The following RBM20 variants were observed in gnomAD, a reference collection of about 807,000 sequenced individuals.
RBM20 encodes the protein RNA-binding protein 20.
Under a neutral mutation model 110.1 loss-of-function variants are expected in RBM20, and 51 were observed. The ratio of observed to expected loss-of-function variants is 0.46; its 90% CI spans 0.37 to 0.59. The LOEUF is 0.59. Among genes scored for constraint, RBM20 ranks in the 20% least tolerant of loss-of-function variants. RBM20 has a pLI of 0.00. For missense variants in RBM20, 1,512 were observed against 1,574.9 expected (o/e 0.96, Z 0.68); for synonymous variants, 589 against 618.2 (o/e 0.95, Z 0.70).
At chr10:110,807,056 G>A (rs1844703806) in intron 7 of RBM20, among the ~76,000 whole-genome samples, 1 of 152,208 alleles carries the variant, frequency 6.6e-6, no homozygotes, top group Admixed American at 6.5e-5. Context: ...CTGATCCTCA[G>A]GAGGGATCAC....
At chr10:110,772,604 T>C (rs1419738545) in intron 1 of RBM20, among the ~76,000 whole-genome samples, 1 of 152,204 alleles carries the variant, frequency 6.6e-6, no homozygotes, top group Non-Finnish European at 1.5e-5. Context: ...CTAGGAGCAA[T>C]AGGGTATATC....
chr10:110,644,286 A>C, upstream of RBM20: 3 of 448,970 alleles, frequency 6.7e-6, no homozygotes, highest in South Asian at 1.7e-4. The surrounding 1 kb of genome is among the most constrained non-coding windows in gnomAD (Gnocchi z 4.3). Flanking sequence ...CAGCGGGAGG[A>C]GGCGGCGCCG....
chr10:110,761,470 ATGTC>A (rs542401358), intron 1 of RBM20, among the ~76,000 whole-genome samples: 89 of 130,292 alleles, frequency 6.8e-4, no homozygotes, highest in African/African-American at 2.4e-3. Context: ...GCAGCATAGT[ATGTC>A]CTTAAGTTCC....
intron 1 of RBM20, among the ~76,000 whole-genome samples, chr10:110,716,679 C>T (rs1380641440): frequency 6.6e-5 from 10 of 151,744 alleles, no homozygotes; most frequent in South Asian, 2.1e-4. Context: ...TTTGGGAGAC[C>T]GAGGTGGGCA....
At chr10:110,788,472 C>T (rs1221985475) in intron 5 of RBM20, among the ~76,000 whole-genome samples, 1 of 152,192 alleles carries the variant, frequency 6.6e-6, no homozygotes, top group Non-Finnish European at 1.5e-5. Flanking sequence ...TCTTGCTGGT[C>T]ACATGAGCCT....
In RBM20 at chr10:110,644,344, G is replaced by A. The variant is rs1590590698; in HGVS notation, c.-111G>A. 1.2e-6 allele frequency: 1 copy of A among 829,580 alleles called. No individual in the cohort carries two copies. The highest frequency in any genetic ancestry group is 1.7e-6 in the Non-Finnish European group (1 of 598,132). 51.4% of individuals were successfully genotyped at this position (829,580 alleles called of 1,614,324 possible). ...CCTCGCGTCTCCTCCCCGCGCCACC[G>A]GGAAGGACAAGGGGACTGGGCACGG... On this transcript the variant is annotated 5_prime_UTR_variant, in exon 1 of 14. Transcript: ENST00000369519. This position sits in a 1 kb window ranked among gnomAD's most constrained non-coding sequence, Gnocchi z 4.3.
chr10:110,744,293 T>G (rs1370065229), intron 1 of RBM20, among the ~76,000 whole-genome samples: 1 of 152,196 alleles, frequency 6.6e-6, no homozygotes, highest in Non-Finnish European at 1.5e-5. Flanking sequence ...CTGATGTGAC[T>G]CTCCTGGGGC....
intron 1 of RBM20, among the ~76,000 whole-genome samples, chr10:110,658,675 T>C (rs774913613): frequency 1.3e-5 from 2 of 152,076 alleles, no homozygotes; most frequent in Non-Finnish European, 2.9e-5. Context: ...GACCTTGTCC[T>C]CTGCTTGCTG....
chr10:110,798,173 C>T (rs1466366402), intron 6 of RBM20, among the ~76,000 whole-genome samples: 2 of 152,144 alleles, frequency 1.3e-5, no homozygotes, highest in Admixed American at 1.3e-4. Flanking sequence ...ACTAAGAATC[C>T]TTAACCTGTA....
At chr10:110,786,501 T>C (rs142277062) in intron 5 of RBM20, among the ~76,000 whole-genome samples, 121 of 152,316 alleles carry the variant, frequency 7.9e-4, no homozygotes, top group African/African-American at 2.8e-3. Flanking sequence ...TGTGTTGATC[T>C]GTGATGTTGA....
intron 1 of RBM20, among the ~76,000 whole-genome samples, chr10:110,677,742 G>A (rs1048774223): frequency 1.3e-5 from 2 of 152,146 alleles, no homozygotes; most frequent in Non-Finnish European, 1.5e-5. Context: ...CTGATAAAAC[G>A]GAAGATCTTA....
At chr10:110,643,518 T>C (rs552615133), upstream of RBM20, among the ~76,000 whole-genome samples, 1 of 152,348 alleles carries the variant, frequency 6.6e-6, no homozygotes, top group South Asian at 2.1e-4. Flanking sequence ...TGACCGTACG[T>C]TGTCGGCGAA....
At chr10:110,816,254 C>A (rs951457887) in intron 9 of RBM20, among the ~76,000 whole-genome samples, 1 of 152,104 alleles carries the variant, frequency 6.6e-6, no homozygotes, top group Non-Finnish European at 1.5e-5. Context: ...AACACCCCAA[C>A]CTGCTCTTCT....
chr10:110,784,346 G>C lies in RBM20; in HGVS notation c.1343G>C (p.Gly448Ala). 1 of 1,550,230 alleles carries C rather than the reference G, an allele frequency of 6.5e-7. No homozygotes were observed. Residue 448 changes from glycine (G) to alanine (A), a missense_variant, in exon 4 of 14, where the codon GGC becomes GCC. Gly to Ala is a moderately conservative substitution (Grantham distance 60). This residue lies in a region of RBM20 where 1,149 missense variants were observed against 1,169.4 expected (regional missense o/e 0.98). Transcript: ENST00000369519. ...CCCTTTCTCGCCCTCTCCAGTGCTGGCATCCGGTGTATACTTGGTTCGGCA... is the reference window on the plus strand; with the variant it reads ...CCCTTTCTCGCCCTCTCCAGTGCTGCCATCCGGTGTATACTTGGTTCGGCA... ...QKCLVFSENA[G>A]IRCILGSAEG...
In RBM20 at chr10:110,785,592, CATT is replaced by C. The variant is rs373940760; in HGVS notation, c.1527+704_1527+706del. ...ACAAAAAAACCATTTTCTCCATTGT[CATT>C]GTTGTTGTCAAGCGTTTGTAGTATC... is the stretch of plus-strand genomic sequence containing the variant. On this transcript the variant is annotated intron_variant, in intron 5 of 13. Coordinates refer to ENST00000369519, the MANE Select transcript of RBM20 (RefSeq NM_001134363.3). 3.5e-3 allele frequency among the ~76,000 whole-genome samples: 528 copies of C among 152,236 alleles called. 2 individuals carry two copies. Among genetic ancestry groups the C allele is most frequent in the African/African-American group, 0.012 (491 of 41,532 alleles).
chr10:110,783,357 C>T lies in RBM20; in HGVS notation c.1276-9C>T, dbSNP rs1187894717. The T allele has an allele frequency of 1.9e-6, 3 of 1,549,974 alleles. 1 individual carries two copies. Among genetic ancestry groups the T allele is most frequent in the East Asian group, 2.4e-5 (1 of 40,908 alleles). ...CTACTTTGGTCACTTTTCTTTCCTT[C>T]TGACCTAGGACTGGGAGCTGCATGT... On this transcript the variant is annotated splice_polypyrimidine_tract_variant and intron_variant, in intron 2 of 13. Transcript: ENST00000369519.
intron 1 of RBM20, among the ~76,000 whole-genome samples, chr10:110,685,001 A>G (rs1862481201): frequency 6.6e-6 from 1 of 152,186 alleles, no homozygotes. Flanking sequence ...CTGTTTGCAA[A>G]AGCTTTAGCA....
intron 1 of RBM20, among the ~76,000 whole-genome samples, chr10:110,748,746 A>T (rs1434847971): frequency 6.6e-6 from 1 of 151,918 alleles, no homozygotes; most frequent in Non-Finnish European, 1.5e-5. Context: ...TACCATTTTG[A>T]TTATTTTAAG....
At chr10:110,819,971 C>G (rs1050631297) in intron 9 of RBM20, 101 bp from the exon 10 acceptor site, 4 of 675,556 alleles carry the variant, frequency 5.9e-6, no homozygotes, top group Admixed American at 3.1e-5. Flanking sequence ...GTATGTGAAA[C>G]CTATCTGAGA....
Sources: gnomAD v4.1 joint callset for allele counts (sites outside exome capture counted in the v4.1 genomes callset) on GRCh38, gnomAD v4.1.1 for gene constraint, gnomAD v4.1.1 regional missense constraint, Gnocchi (gnomAD v3.1) non-coding constraint, MANE v1.5 for transcripts, NCBI Gene and HGNC (gene_info 2026-07-23, HGNC 2026-07-21) for gene names.